UTP20: variants seen among roughly 807,000 people sequenced by gnomAD.
UTP20 encodes the protein UTP20 small subunit processome component.
UTP20 carries 164 observed loss-of-function variants against 329.5 expected under a neutral mutation model. The observed-to-expected ratio is 0.50, with a 90% CI of 0.44 to 0.57. The LOEUF is 0.57. Among genes scored for constraint, UTP20 ranks in the 20% least tolerant of loss-of-function variants. UTP20 has a pLI of 0.00. For synonymous variants in UTP20, 1,151 were observed against 1,159.3 expected, an observed-to-expected ratio of 0.99 and a Z score of 0.14; for missense variants, 3,055 against 3,284.2, an observed-to-expected ratio of 0.93 and a Z score of 1.71.
intron 12 of UTP20, among the ~76,000 whole-genome samples, chr12:101,296,022 A>T (rs1432818796): frequency 6.6e-6 from 1 of 152,214 alleles, no homozygotes; most frequent in Non-Finnish European, 1.5e-5. Flanking sequence ...GAGGTTTCGT[A>T]TACTCTTCAC....
At chr12:101,376,597 T>G (rs965726989) in intron 56 of UTP20, among the ~76,000 whole-genome samples, 11 of 152,264 alleles carry the variant, frequency 7.2e-5, no homozygotes, top group African/African-American at 2.6e-4. Context: ...TGTATTTTTT[T>G]TTAATGAGTA....
intron 12 of UTP20, among the ~76,000 whole-genome samples, chr12:101,296,271 T>C (rs1020346044): frequency 6.6e-6 from 1 of 152,206 alleles, no homozygotes. Context: ...TCATGCTACC[T>C]TTTAATAACC....
intron 29 of UTP20, among the ~76,000 whole-genome samples, chr12:101,336,875 C>T (rs773569414): frequency 5.3e-5 from 8 of 152,184 alleles, no homozygotes; most frequent in African/African-American, 1.2e-4. Flanking sequence ...CAGCAAGTTA[C>T]GTTGGTCAAG....
chr12:101,283,737 A>G (rs1041967122), intron 2 of UTP20, among the ~76,000 whole-genome samples: 3 of 152,208 alleles, frequency 2.0e-5, no homozygotes, highest in African/African-American at 7.2e-5. Context: ...AAAAATAGAG[A>G]TAGGATCTCG....
chr12:101,378,730 GA>G (rs982144356), intron 56 of UTP20, among the ~76,000 whole-genome samples: 11 of 150,948 alleles, frequency 7.3e-5, no homozygotes, highest in Admixed American at 2.0e-4. Context: ...AAAAAAAAAA[GA>G]AAAAAAAGAA....
intron 48 of UTP20, 106 bp downstream of exon 48, chr12:101,368,082 T>C (rs1870157059): frequency 6.2e-6 from 5 of 811,828 alleles, no homozygotes; most frequent in South Asian, 5.4e-5. Context: ...TATGAGATGA[T>C]TGAGGTGTTT....
chr12:101,341,263 C>A (rs905495976), intron 32 of UTP20, among the ~76,000 whole-genome samples: 1 of 152,092 alleles, frequency 6.6e-6, no homozygotes, highest in Non-Finnish European at 1.5e-5. Flanking sequence ...CAGGCATGAG[C>A]CACCGCGCCC....
At chr12:101,377,485 C>G (rs1870513779) in intron 56 of UTP20, among the ~76,000 whole-genome samples, 2 of 152,236 alleles carry the variant, frequency 1.3e-5, no homozygotes, top group Admixed American at 1.3e-4. Context: ...CGTGTGCCAC[C>G]ATGCCCAGCT....
chr12:101,353,018 A>G (rs772285589), intron 39 of UTP20, 29 bp from the exon 40 acceptor site: 1 of 1,397,294 alleles, frequency 7.2e-7, no homozygotes, highest in African/African-American at 1.4e-5. Flanking sequence ...AATCAAATGA[A>G]CATTTCTGTA....
At chr12:101,324,508 T>C (rs530769901) in intron 25 of UTP20, among the ~76,000 whole-genome samples, 1 of 152,284 alleles carries the variant, frequency 6.6e-6, no homozygotes, top group South Asian at 2.1e-4. Context: ...GAGCTCAGGC[T>C]GTCCCCCCAC....
At chr12:101,326,125 T>C (rs1868543512) in intron 25 of UTP20, among the ~76,000 whole-genome samples, 1 of 152,218 alleles carries the variant, frequency 6.6e-6, no homozygotes, top group South Asian at 2.1e-4. Flanking sequence ...GTTGAACATA[T>C]ATTAAAATGA....
At chr12:101,321,441 T>G in intron 24 of UTP20, 63 bp from the exon 25 acceptor site, 1 of 1,597,154 alleles carries the variant, frequency 6.3e-7, no homozygotes, top group South Asian at 1.1e-5. Flanking sequence ...CATATTTCAC[T>G]CTTTCATTAT....
At chr12:101,345,521 A>G in intron 36 of UTP20, 33 bp from the exon 37 acceptor site, 1 of 1,356,198 alleles carries the variant, frequency 7.4e-7, no homozygotes, top group Non-Finnish European at 1.0e-6. Context: ...TCTTTTTAAA[A>G]TAAAATGTTT....
Position 101,385,571 on chromosome 12 carries a change from G to A in UTP20, c.8057-12G>A, listed in dbSNP as rs964022287. The A allele has an allele frequency of 3.1e-6, 5 of 1,605,892 alleles. No homozygotes were observed. The Admixed American group carries it at 5.3e-5, about 17-fold the overall frequency. ...TACCTGTCTCTGATCATTACTCTTT[G>A]TGTGTGATTAGATCCTTTGCTGAAG... On this transcript the variant is annotated splice_polypyrimidine_tract_variant and intron_variant, in intron 60 of 61. Transcript: ENST00000261637.
chr12:101,354,817 G>A lies in UTP20; in HGVS notation c.5108-15G>A. On this transcript the variant is annotated splice_polypyrimidine_tract_variant and intron_variant, in intron 40 of 61. Coordinates refer to ENST00000261637, the MANE Select transcript of UTP20 (RefSeq NM_014503.3). Reference sequence around the variant, plus strand: ...TATTTGCTTTAAGGTGACTTTTGTTGTTTATTAAACATAGACGCAATTGAA... The same window carrying A: ...TATTTGCTTTAAGGTGACTTTTGTTATTTATTAAACATAGACGCAATTGAA... 3 of 1,604,292 alleles carry A rather than the reference G, an allele frequency of 1.9e-6. No homozygotes were observed. The highest frequency in any genetic ancestry group is 1.1e-5 in the South Asian group (1 of 89,638).
intron 37 of UTP20, 105 bp downstream of exon 37, chr12:101,345,799 A>G: frequency 9.4e-7 from 1 of 1,068,914 alleles, no homozygotes; most frequent in Non-Finnish European, 1.3e-6. Context: ...AAAAGGTTTA[A>G]GCTTCTCTTT....
chr12:101,382,836 AGTGAGGCTCT>A (rs1870691760), intron 58 of UTP20, among the ~76,000 whole-genome samples, 195 bp from the exon 59 acceptor site: 1 of 149,624 alleles, frequency 6.7e-6, no homozygotes, highest in Non-Finnish European at 1.5e-5. Context: ...TGGGTAACAG[AGTGAGGCTCT>A]GTCTTTAAAA....
chr12:101,291,060 T>C (rs546359489), intron 8 of UTP20, 172 bp downstream of exon 8: 1 of 587,706 alleles, frequency 1.7e-6, no homozygotes, highest in Admixed American at 3.9e-5. Flanking sequence ...CTATTTTTTA[T>C]TTGATATGTT....
intron 47 of UTP20, among the ~76,000 whole-genome samples, chr12:101,366,956 G>A (rs1341283984): frequency 7.0e-6 from 1 of 142,764 alleles, no homozygotes; most frequent in Non-Finnish European, 1.6e-5. Flanking sequence ...TTGCCCATGA[G>A]TCCCTCTGAA....
Sources: gnomAD v4.1 joint callset for allele counts (sites outside exome capture counted in the v4.1 genomes callset) on GRCh38, gnomAD v4.1.1 for gene constraint, MANE v1.5 for transcripts, NCBI Gene and HGNC (gene_info 2026-07-23, HGNC 2026-07-21) for gene names.